MBD5: variants seen among roughly 807,000 people sequenced by gnomAD.
MBD5 encodes the protein methyl-CpG binding domain protein 5, also known as methyl-CpG-binding domain protein 5.
Under a neutral mutation model 117.3 loss-of-function variants are expected in MBD5, and 13 were observed. The ratio of observed to expected loss-of-function variants is 0.11; its 90% CI spans 0.07 to 0.18. The LOEUF (loss-of-function observed/expected upper bound fraction) is 0.18, where lower values mean the gene tolerates loss of function less well. Ranked by LOEUF, MBD5 falls within the 10% of genes least tolerant of loss-of-function variation. MBD5 has a pLI of 1.00. For missense variants in MBD5, 1,879 were observed against 2,093.8 expected, an observed-to-expected ratio of 0.90 and a Z score of 2.00; for synonymous variants, 727 against 766.4, an observed-to-expected ratio of 0.95 and a Z score of 0.85.
At chr2:148,420,772 C>T (rs1705578987) in intron 4 of MBD5, among the ~76,000 whole-genome samples, 1 of 152,024 alleles carries the variant, frequency 6.6e-6, no homozygotes, top group African/African-American at 2.4e-5. Flanking sequence ...GTTGCTCAGG[C>T]TGGGAGTACG....
intron 6 of MBD5, 55 bp downstream of exon 6, chr2:148,462,739 T>C (rs1452109237): frequency 1.1e-5 from 13 of 1,184,506 alleles, no homozygotes; most frequent in Non-Finnish European, 1.6e-5. Flanking sequence ...GTATTTTGTA[T>C]ATTTGTTTTT....
chr2:148,183,512 C>T (rs1016430159), intron 2 of MBD5, among the ~76,000 whole-genome samples: 4 of 131,260 alleles, frequency 3.0e-5, no homozygotes, highest in African/African-American at 1.0e-4. Context: ...TATTTTGAAT[C>T]TTTTATTACT....
At chr2:148,311,703 G>T (rs1702036354) in intron 3 of MBD5, among the ~76,000 whole-genome samples, 1 of 152,148 alleles carries the variant, frequency 6.6e-6, no homozygotes, top group African/African-American at 2.4e-5. Flanking sequence ...GATGCTGGCT[G>T]GTTATTTTGC....
At chr2:148,070,040 C>T (rs1340635722) in intron 1 of MBD5, among the ~76,000 whole-genome samples, 1 of 152,016 alleles carries the variant, frequency 6.6e-6, no homozygotes, top group Non-Finnish European at 1.5e-5. Flanking sequence ...GAATGTATTC[C>T]TTCTATCCAG....
In MBD5 at chr2:148,363,660, T is replaced by C. The variant is rs140400076; in HGVS notation, c.-557+21324T>C. ...GTCTGGAGTGGACCTCTATACCTGA[T>C]GGAGCTGAAAAATACAGCATGAGAA... On this transcript the variant is annotated intron_variant, in intron 4 of 13. Transcript: ENST00000642680. 8.7e-4 allele frequency among the ~76,000 whole-genome samples: 133 copies of C among 152,194 alleles called. 3 individuals are homozygous for C. In the East Asian group the frequency reaches 0.025, roughly 28 times the overall value.
chr2:148,149,682 G>A (rs1477169703), intron 1 of MBD5, among the ~76,000 whole-genome samples: 1 of 152,152 alleles, frequency 6.6e-6, no homozygotes, highest in African/African-American at 2.4e-5. Flanking sequence ...GCATTTCTCT[G>A]ATGGCCAGTG....
At chr2:148,131,338 A>G (rs1365142277) in intron 1 of MBD5, among the ~76,000 whole-genome samples, 14 of 152,184 alleles carry the variant, frequency 9.2e-5, no homozygotes, top group Non-Finnish European at 1.9e-4. Context: ...GAATGAATGA[A>G]TGAATGGCGT....
rs751801483 is a variant in MBD5 at position 148,469,494 on chromosome 2, G to A, written c.1551G>A (p.Gln517=). 6.2e-7 allele frequency: 1 copy of A among 1,613,836 alleles called. No homozygotes were observed. The highest frequency in any genetic ancestry group is 8.5e-7 in the Non-Finnish European group (1 of 1,179,924). ...CTACCAAGTCCGATGGACATCATCA[G>A]TACAAGGATATCCCTAACCCATTAA... ...SPSTKSDGHH[Q]YKDIPNPLIA... Residue 517 remains glutamine (Q), a synonymous_variant, in exon 8 of 14, where the codon CAG becomes CAA. Coordinates refer to ENST00000642680, the MANE Select transcript of MBD5 (RefSeq NM_001378120.1).
At chr2:148,502,547 G>C in intron 12 of MBD5, 38 bp downstream of exon 12, 1 of 1,576,444 alleles carries the variant, frequency 6.3e-7, no homozygotes. Context: ...GTTTTTCCAG[G>C]ATATAATTTA....
chr2:148,209,492 G>A (rs1441341085), intron 2 of MBD5, among the ~76,000 whole-genome samples: 1 of 151,326 alleles, frequency 6.6e-6, no homozygotes, highest in Non-Finnish European at 1.5e-5. Flanking sequence ...CCATTCCCCA[G>A]AACTGTGAGC....
intron 1 of MBD5, among the ~76,000 whole-genome samples, chr2:148,023,151 T>C (rs566927997): frequency 6.6e-6 from 1 of 152,052 alleles, no homozygotes; most frequent in South Asian, 2.1e-4. Context: ...GCAAAAAATA[T>C]TCTTCTGTAA....
rs1461815007 is a variant in MBD5, at chr2:148,502,441, G to A, written c.4968G>A (p.Glu1656=). 1 of 1,614,120 alleles carries A rather than the reference G, an allele frequency of 6.2e-7. No homozygotes were observed. The highest frequency in any genetic ancestry group is 8.5e-7 in the Non-Finnish European group (1 of 1,179,974). The change falls in exon 12 of 14, where the codon GAG becomes GAA. Residue 1656 remains glutamate (E), a synonymous_variant. Coordinates refer to ENST00000642680, the MANE Select transcript of MBD5 (RefSeq NM_001378120.1). ...GTCTTCATACCTTCACTCAGGTGGA[G>A]CCCGAGAAGTTGAAGACACTAACAG... ...CQQSPEEGKV[E]PEKLKTLTEG...
At chr2:148,096,093 A>T (rs1319803911) in intron 1 of MBD5, among the ~76,000 whole-genome samples, 1 of 152,224 alleles carries the variant, frequency 6.6e-6, no homozygotes, top group African/African-American at 2.4e-5. Flanking sequence ...AAGAAAGCAC[A>T]GAAGAAAAAG....
chr2:148,470,114 G>A lies in MBD5; in HGVS notation c.2171G>A (p.Gly724Glu). 1 of 1,613,830 alleles carries A rather than the reference G, an allele frequency of 6.2e-7. No individual in the cohort carries two copies. The highest frequency in any genetic ancestry group is 8.5e-7 in the Non-Finnish European group (1 of 1,179,890). The change falls in exon 8 of 14, where the codon GGG becomes GAG. Residue 724 changes from glycine to glutamate, a missense_variant. By Grantham distance (98) the Gly-to-Glu change is moderately conservative. Around this residue, in one of 4 missense-constraint regions of MBD5, gnomAD observed 1,666 missense variants for 1,792.2 expected, o/e 0.93. Transcript: ENST00000642680. ...HLSSNSTPGC[G>E]ASNTALPCSA... The stretch of plus-strand genomic sequence containing the variant: ...AGTAGCAATAGTACCCCGGGTTGTG[G>A]GGCCTCAAATACTGCTTTGCCTTGC...
intron 1 of MBD5, among the ~76,000 whole-genome samples, chr2:148,159,999 T>C (rs1219615657): frequency 6.6e-6 from 1 of 152,222 alleles, no homozygotes; most frequent in Non-Finnish European, 1.5e-5. Flanking sequence ...AAAATTTGTC[T>C]GTGTTCTGAA....
intron 4 of MBD5, among the ~76,000 whole-genome samples, chr2:148,423,694 A>G (rs926291042): frequency 1.3e-5 from 2 of 152,228 alleles, no homozygotes; most frequent in African/African-American, 4.8e-5. Flanking sequence ...AGATTCAGAC[A>G]TAACAATATT....
intron 3 of MBD5, among the ~76,000 whole-genome samples, chr2:148,253,271 G>T (rs1325869508): frequency 6.6e-6 from 1 of 152,090 alleles, no homozygotes; most frequent in Non-Finnish European, 1.5e-5. Context: ...ATTGAAAAAA[G>T]ACCTTTATAT....
intron 1 of MBD5, among the ~76,000 whole-genome samples, chr2:148,150,304 C>T (rs1028484112): frequency 1.1e-4 from 17 of 150,216 alleles, no homozygotes; most frequent in African/African-American, 3.7e-4. Flanking sequence ...ATCTATATCT[C>T]TGTTTTGGTA....
chr2:148,134,476 T>G (rs1293431761), intron 1 of MBD5, among the ~76,000 whole-genome samples: 1 of 152,226 alleles, frequency 6.6e-6, no homozygotes, highest in Non-Finnish European at 1.5e-5. Flanking sequence ...TTGCTTTGTA[T>G]TCTGATATTC....
Sources: allele counts gnomAD v4.1 joint callset (sites outside exome capture counted in the v4.1 genomes callset), GRCh38; gene constraint gnomAD v4.1.1; regional missense constraint gnomAD v4.1.1; transcripts MANE v1.5; gene names NCBI Gene and HGNC (gene_info 2026-07-23, HGNC 2026-07-21).